The following SIDT1 variants were observed in gnomAD, a reference collection of about 807,000 sequenced individuals.
SIDT1 encodes the protein SID1 transmembrane family, member 1.
Under a neutral mutation model 107.5 loss-of-function variants are expected in SIDT1, and 101 were observed. The observed-to-expected ratio is 0.94, with a 90% CI of 0.80 to 1.11. The LOEUF (loss-of-function observed/expected upper bound fraction) is 1.11. Among genes scored for constraint, SIDT1 ranks in the 50% least tolerant of loss-of-function variants. The probability of loss-of-function intolerance (pLI) is 0.00; values close to 1 mark genes in which losing one functional copy is unlikely to be tolerated. For synonymous variants in SIDT1, 395 were observed against 398.2 expected (o/e 0.99, Z 0.10); for missense variants, 1,076 against 1,058.2 (o/e 1.02, Z -0.23).
intron 10 of SIDT1, among the ~76,000 whole-genome samples, chr3:113,598,546 T>C (rs1056975754): frequency 1.3e-5 from 2 of 152,172 alleles, no homozygotes; most frequent in African/African-American, 4.8e-5. Flanking sequence ...TCTTAATATA[T>C]ACAATTAAAA....
At chr3:113,597,191 C>T (rs183401145) in intron 10 of SIDT1, among the ~76,000 whole-genome samples, 3 of 152,144 alleles carry the variant, frequency 2.0e-5, no homozygotes, top group Non-Finnish European at 4.4e-5. Context: ...GATAGGTAGG[C>T]AATTGGCATA....
At chr3:113,615,149 C>A in intron 19 of SIDT1, 1 of 1,481,646 alleles carries the variant, frequency 6.7e-7, no homozygotes, top group Non-Finnish European at 9.1e-7. Context: ...GCTGTCCTGG[C>A]AGCCCTGCTC....
At chr3:113,572,543 A>G (rs186110905) in intron 3 of SIDT1, among the ~76,000 whole-genome samples, 162 of 152,314 alleles carry the variant, frequency 1.1e-3, no homozygotes, top group African/African-American at 3.7e-3. Context: ...TGATTTCTAG[A>G]GATGACATGA....
chr3:113,636,087 T>C, the SIDT1 span, among the ~76,000 whole-genome samples: 3 of 152,092 alleles, frequency 2.0e-5, no homozygotes, highest in Admixed American at 2.0e-4. Context: ...TGTACTAAGC[T>C]GTCAGTTGGG....
intron 4 of SIDT1, among the ~76,000 whole-genome samples, chr3:113,580,382 C>A (rs1489908022): frequency 6.6e-6 from 1 of 152,126 alleles, no homozygotes; most frequent in Non-Finnish European, 1.5e-5. Flanking sequence ...AAAGGAATAG[C>A]AACATTGCAT....
At chr3:113,603,888 A>G in intron 12 of SIDT1, 72 bp from the exon 13 acceptor site, 1 of 930,970 alleles carries the variant, frequency 1.1e-6, no homozygotes, top group Non-Finnish European at 1.7e-6. Flanking sequence ...GACATTTGTT[A>G]TGTTTGCCTT....
At chr3:113,569,556 C>T (rs1011184427) in intron 3 of SIDT1, among the ~76,000 whole-genome samples, 1 of 152,124 alleles carries the variant, frequency 6.6e-6, no homozygotes, top group African/African-American at 2.4e-5. Flanking sequence ...CCTCTCTACC[C>T]TCCTTGACAT....
intron 3 of SIDT1, among the ~76,000 whole-genome samples, chr3:113,570,568 C>A (rs113725761): frequency 2.0e-4 from 30 of 152,370 alleles, no homozygotes; most frequent in African/African-American, 6.5e-4. Flanking sequence ...TCTATTCCCT[C>A]ATGTTGCTTT....
chr3:113,626,308 C>T (rs2271497), intron 24 of SIDT1, 93 bp downstream of exon 24: 17 of 796,660 alleles, frequency 2.1e-5, no homozygotes, highest in African/African-American at 1.7e-4. Flanking sequence ...TTTTATATTC[C>T]TCTCTAATTT....
intron 1 of SIDT1, among the ~76,000 whole-genome samples, chr3:113,542,901 G>GTT (rs34272148): frequency 1.5e-5 from 2 of 135,590 alleles, no homozygotes; most frequent in South Asian, 2.6e-4. Context: ...TTTTTGCTTG[G>GTT]TTGTGTGTGT....
chr3:113,595,200 T>C (rs1236026474), intron 10 of SIDT1, among the ~76,000 whole-genome samples: 1 of 152,254 alleles, frequency 6.6e-6, no homozygotes, highest in East Asian at 1.9e-4. Flanking sequence ...GGGGCTATTC[T>C]GTATCTTATA....
At chr3:113,556,887 T>G (rs1489386488) in intron 1 of SIDT1, among the ~76,000 whole-genome samples, 4 of 139,206 alleles carry the variant, frequency 2.9e-5, no homozygotes, top group Admixed American at 7.8e-5. Context: ...TGGCAGGATC[T>G]CGCCTCACCG....
chr3:113,543,458 C>T (rs1004942933), intron 1 of SIDT1, among the ~76,000 whole-genome samples: 1 of 152,170 alleles, frequency 6.6e-6, no homozygotes, highest in African/African-American at 2.4e-5. Flanking sequence ...CCATGCCTTT[C>T]GTCTGCTTCT....
At chr3:113,585,392 C>A in intron 9 of SIDT1, 122 bp downstream of exon 9, 1 of 731,004 alleles carries the variant, frequency 1.4e-6, no homozygotes, top group South Asian at 1.6e-5. Flanking sequence ...GCAATGTGAC[C>A]TTGGATACCT....
At chr3:113,552,815 TATCCG>T (rs1412868838) in intron 1 of SIDT1, among the ~76,000 whole-genome samples, 1 of 152,250 alleles carries the variant, frequency 6.6e-6, no homozygotes, top group African/African-American at 2.4e-5. Context: ...ACAGGTCCTG[TATCCG>T]GCCCCTTTGA....
intron 1 of SIDT1, among the ~76,000 whole-genome samples, chr3:113,533,899 A>G (rs1255951587): frequency 6.6e-6 from 1 of 152,214 alleles, no homozygotes; most frequent in African/African-American, 2.4e-5. Context: ...TAATTGTGTG[A>G]AAGTTCTAGA....
At chr3:113,632,517 A>G (rs1348665874), downstream of SIDT1, among the ~76,000 whole-genome samples, 5 of 152,200 alleles carry the variant, frequency 3.3e-5, no homozygotes, top group Admixed American at 6.5e-5. Flanking sequence ...TTATCTCAAC[A>G]TGGGATACCT....
intron 3 of SIDT1, among the ~76,000 whole-genome samples, chr3:113,569,993 C>G (rs546086205): frequency 2.6e-5 from 4 of 152,284 alleles, no homozygotes; most frequent in Non-Finnish European, 5.9e-5. Context: ...GCAACCTCCA[C>G]CTCCTGGGTT....
rs947876464 is a variant in SIDT1, at chr3:113,576,921, G to A, written c.516-1G>A. On this transcript the variant is annotated splice_acceptor_variant, in intron 3 of 24. Coordinates refer to ENST00000264852, the MANE Select transcript of SIDT1 (RefSeq NM_017699.3). LOFTEE classifies it high-confidence loss of function. ...TCCCTTCTGCCACTTACGTTTCTCA[G>A]GACAAATGTTGCCTTTCACTTTACT... 1.2e-6 allele frequency: 2 copies of A among 1,614,052 alleles called. No individual in the cohort carries two copies. Among genetic ancestry groups the A allele is most frequent in the Non-Finnish European group, 8.5e-7 (1 of 1,179,958 alleles).
Sources: gnomAD v4.1 joint callset for allele counts (sites outside exome capture counted in the v4.1 genomes callset) on GRCh38, gnomAD v4.1.1 for gene constraint, MANE v1.5 for transcripts, NCBI Gene and HGNC (gene_info 2026-07-23, HGNC 2026-07-21) for gene names.